Variants in ZSCAN25 observed in about 807,000 individuals in gnomAD.
ZSCAN25 encodes zinc finger and SCAN domain-containing protein 25.
ZSCAN25 carries 27 observed loss-of-function variants against 38.7 expected under a neutral mutation model. The observed-to-expected ratio is 0.70, with a 90% confidence interval of 0.51 to 0.96. ZSCAN25 has a LOEUF of 0.96. ZSCAN25 is among the 40% of genes least tolerant of loss of function. The pLI, the probability that ZSCAN25 is intolerant of heterozygous loss-of-function variation, is 0.00. For synonymous variants in ZSCAN25, 273 were observed against 277.7 expected, an observed-to-expected ratio of 0.98 and a Z score of 0.17; for missense variants, 637 against 705.9, an observed-to-expected ratio of 0.90 and a Z score of 1.11.
At chr7:99,678,432 C>T in the ZSCAN25 span, among the ~76,000 whole-genome samples, 2 of 152,306 alleles carry the variant, frequency 1.3e-5, no homozygotes, top group East Asian at 3.9e-4. Context: ...GAGTTTAAGA[C>T]AATCTGCTAA....
the ZSCAN25 span, among the ~76,000 whole-genome samples, chr7:99,709,574 A>G: frequency 2.8e-4 from 43 of 152,332 alleles, no homozygotes; most frequent in African/African-American, 8.9e-4. Flanking sequence ...GGCTATGACC[A>G]CTAGCATCAA....
At chr7:99,622,858 G>A (rs1807108371) in intron 6 of ZSCAN25, among the ~76,000 whole-genome samples, 1 of 152,210 alleles carries the variant, frequency 6.6e-6, no homozygotes, top group African/African-American at 2.4e-5. Flanking sequence ...CCAGGCTGGA[G>A]TGCAGTGGCA....
the ZSCAN25 span, chr7:99,717,723 T>C: frequency 6.7e-7 from 1 of 1,496,968 alleles, no homozygotes; most frequent in South Asian, 1.2e-5. Flanking sequence ...ACAGGCATCA[T>C]GTATTTAACA....
Position 99,629,852 on chromosome 7 carries a change from G to C in ZSCAN25, c.1467G>C (p.Gln489His), listed in dbSNP as rs762094161. ...CTGGCGAGAAGCCATATGGGTGCCA[G>C]GTGTGCGGGAAGCGGTTCAGCAAAG... is the stretch of plus-strand genomic sequence containing the variant. Reference protein sequence around the residue: ...AHTGEKPYGCQVCGKRFSKGE... With the variant: ...AHTGEKPYGCHVCGKRFSKGE... Residue 489 changes from glutamine (Q) to histidine (H), a missense_variant, in exon 8 of 8, where the codon CAG becomes CAC. Gln to His is a conservative substitution (Grantham distance 24). Coordinates refer to ENST00000394152, the MANE Select transcript of ZSCAN25 (RefSeq NM_145115.3). This position sits in a 1 kb window ranked among gnomAD's most constrained non-coding sequence, Gnocchi z 5.6. 1 of 1,614,252 alleles carries C rather than the reference G, an allele frequency of 6.2e-7. No individual in the cohort carries two copies.
chr7:99,650,336 A>G, the ZSCAN25 span: 1 of 1,008,348 alleles, frequency 9.9e-7, no homozygotes, highest in East Asian at 2.4e-5. Context: ...CCTCCCAACC[A>G]GTAGTACACA....
chr7:99,734,009 C>G, the ZSCAN25 span, among the ~76,000 whole-genome samples: 10 of 152,284 alleles, frequency 6.6e-5, no homozygotes, highest in South Asian at 2.1e-3. Context: ...TTTATTGTCA[C>G]AAATACTGAA....
chr7:99,629,393 C>T lies in ZSCAN25; in HGVS notation c.1008C>T (p.Asp336=), dbSNP rs147612769. 37 of 1,614,056 alleles carry T rather than the reference C, an allele frequency of 2.3e-5. No individual in the cohort carries two copies. Among genetic ancestry groups the T allele is most frequent in the Middle Eastern group, 1.6e-4 (1 of 6,084 alleles). ...PPQHGAIPLP[D]EVKTHSSFWK... ...AGCACGGTGCCATCCCCCTGCCTGA[C>T]GAAGTCAAAACCCACAGCTCCTTCT... Residue 336 remains aspartate, a synonymous_variant, in exon 8 of 8, where the codon GAC becomes GAT. Coordinates refer to ENST00000394152, the MANE Select transcript of ZSCAN25 (RefSeq NM_145115.3). The surrounding 1 kb of genome is among the most constrained non-coding windows in gnomAD (Gnocchi z 5.6).
the ZSCAN25 span, among the ~76,000 whole-genome samples, chr7:99,647,181 C>T: frequency 1.3e-5 from 2 of 152,330 alleles, no homozygotes; most frequent in Non-Finnish European, 2.9e-5. Context: ...GCTCTGGCTG[C>T]TCTTGAAGGC....
the ZSCAN25 span, chr7:99,713,385 C>G: frequency 7.2e-4 from 1,151 of 1,591,308 alleles, 2 homozygotes; most frequent in Middle Eastern, 1.8e-3. Flanking sequence ...TCTCATCTAC[C>G]TGGAATACTT....
At chr7:99,719,675 C>T in the ZSCAN25 span, among the ~76,000 whole-genome samples, 1 of 152,036 alleles carries the variant, frequency 6.6e-6, no homozygotes, top group Non-Finnish European at 1.5e-5. Context: ...GAAAAACACT[C>T]GTGACTGTAG....
At chr7:99,695,898 G>A in the ZSCAN25 span, 3 of 1,464,366 alleles carry the variant, frequency 2.0e-6, no homozygotes, top group Admixed American at 1.8e-5. Context: ...TATGGGGGCT[G>A]GTAAGTCACT....
the ZSCAN25 span, chr7:99,720,313 C>T: frequency 9.3e-6 from 15 of 1,612,186 alleles, no homozygotes; most frequent in Non-Finnish European, 1.1e-5. Context: ...GGATGCTTAC[C>T]CTCCGGTTTG....
the ZSCAN25 span, among the ~76,000 whole-genome samples, chr7:99,698,614 A>T: frequency 6.6e-6 from 1 of 152,156 alleles, no homozygotes; most frequent in Non-Finnish European, 1.5e-5. Context: ...ATATAAAAAG[A>T]TATACATAAA....
At chr7:99,671,907 A>G in the ZSCAN25 span, 48 of 700,008 alleles carry the variant, frequency 6.9e-5, no homozygotes, top group Middle Eastern at 6.9e-4. Flanking sequence ...GCTTAGAACT[A>G]CCCACACACA....
At position 99,622,504 on chromosome 7, in the gene ZSCAN25, T is replaced by G. The variant is rs375930013; in HGVS notation, c.590-45T>G. 149 of 1,574,910 alleles carry G rather than the reference T, an allele frequency of 9.5e-5. No homozygotes were observed. The African/African-American group carries it at 1.8e-3, about 19-fold the overall frequency. ...ATTTGAACGAGCTAACAGCATAACA[T>G]CACTGATCCTTCTGATCTTTCTCAT... On this transcript the variant is annotated intron_variant, in intron 5 of 7. Transcript: ENST00000394152.
the ZSCAN25 span, among the ~76,000 whole-genome samples, chr7:99,668,359 G>T: frequency 5.9e-5 from 9 of 152,318 alleles, no homozygotes; most frequent in South Asian, 1.5e-3. Context: ...TACCCAAATT[G>T]TTCTATTGGT....
chr7:99,661,779 T>C, the ZSCAN25 span, among the ~76,000 whole-genome samples: 102 of 152,350 alleles, frequency 6.7e-4, no homozygotes, highest in Middle Eastern at 3.4e-3. Context: ...CTCAGTTACA[T>C]TGAACCCCAT....
At chr7:99,705,850 A>G in the ZSCAN25 span, among the ~76,000 whole-genome samples, 1 of 152,210 alleles carries the variant, frequency 6.6e-6, no homozygotes, top group East Asian at 1.9e-4. Flanking sequence ...ACCTGAGACA[A>G]ATTCATGGGA....
At chr7:99,682,598 C>G in the ZSCAN25 span, among the ~76,000 whole-genome samples, 15 of 149,700 alleles carry the variant, frequency 1.0e-4, no homozygotes, top group Admixed American at 2.0e-4. Context: ...AGGTAGCTTT[C>G]GCTATTCTGG....
Sources: gnomAD v4.1 joint callset for allele counts (sites outside exome capture counted in the v4.1 genomes callset) on GRCh38, gnomAD v4.1.1 for gene constraint, Gnocchi (gnomAD v3.1) non-coding constraint, MANE v1.5 for transcripts, NCBI Gene and HGNC (gene_info 2026-07-23, HGNC 2026-07-21) for gene names.